ZNF664: variants seen among roughly 807,000 people sequenced by gnomAD.
The protein encoded by ZNF664 is zinc finger Organ of Corti 1.
In ZNF664, 10 loss-of-function variants were observed where a neutral mutation model predicts 18.2. The ratio of observed to expected loss-of-function variants is 0.55; its 90% CI spans 0.34 to 0.93. The LOEUF (loss-of-function observed/expected upper bound fraction) is 0.93, where lower values mean the gene tolerates loss of function less well. ZNF664 is among the 40% of genes least tolerant of loss of function. ZNF664 has a pLI of 0.02. For missense variants in ZNF664, 193 were observed against 319.0 expected, an observed-to-expected ratio of 0.61 and a Z score of 3.01; for synonymous variants, 119 against 104.2, an observed-to-expected ratio of 1.14 and a Z score of -0.86.
At chr12:123,999,571 TA>T (rs1378184281) in intron 3 of ZNF664, among the ~76,000 whole-genome samples, 2 of 152,202 alleles carry the variant, frequency 1.3e-5, no homozygotes, top group African/African-American at 4.8e-5. Flanking sequence ...TATAGTTATT[TA>T]AAAACGACTT....
intron 3 of ZNF664, among the ~76,000 whole-genome samples, chr12:123,996,026 G>A (rs1342225806): frequency 6.6e-6 from 1 of 152,204 alleles, no homozygotes; most frequent in Non-Finnish European, 1.5e-5. Flanking sequence ...AGTTAGGAAA[G>A]GGAAAGGAAA....
chr12:123,990,018 A>G (rs1447895228), intron 3 of ZNF664, among the ~76,000 whole-genome samples: 1 of 152,210 alleles, frequency 6.6e-6, no homozygotes, highest in Non-Finnish European at 1.5e-5. Context: ...GCCAGACAAT[A>G]CATGTTACGA....
At chr12:123,996,577 G>A (rs996142864) in intron 3 of ZNF664, among the ~76,000 whole-genome samples, 2 of 152,174 alleles carry the variant, frequency 1.3e-5, no homozygotes, top group South Asian at 4.1e-4. Flanking sequence ...GCCTGTGATG[G>A]GAAAGGATAC....
intron 2 of ZNF664, among the ~76,000 whole-genome samples, chr12:123,977,147 A>G (rs551197042): frequency 6.6e-6 from 1 of 152,320 alleles, no homozygotes; most frequent in East Asian, 1.9e-4. Flanking sequence ...TAAAAGCAAT[A>G]AAAAGGTACT....
intron 3 of ZNF664, among the ~76,000 whole-genome samples, chr12:123,994,803 G>T (rs992131184): frequency 6.6e-6 from 1 of 152,312 alleles, no homozygotes; most frequent in East Asian, 1.9e-4. Context: ...ACTCTGAATA[G>T]ATCTTTTACA....
chr12:124,001,636 A>T (rs1288909163), intron 3 of ZNF664, among the ~76,000 whole-genome samples: 4 of 152,224 alleles, frequency 2.6e-5, no homozygotes, highest in Non-Finnish European at 5.9e-5. Flanking sequence ...TGACCAGGTC[A>T]GCCTCACTTC....
intron 3 of ZNF664, among the ~76,000 whole-genome samples, chr12:123,993,131 G>A (rs1253192651): frequency 1.3e-5 from 2 of 152,176 alleles, no homozygotes; most frequent in African/African-American, 4.8e-5. Context: ...AGTCAGAGAA[G>A]GACCCTCTTT....
At chr12:124,007,284 C>T (rs978675937) in intron 3 of ZNF664, among the ~76,000 whole-genome samples, 27 of 152,200 alleles carry the variant, frequency 1.8e-4, no homozygotes, top group African/African-American at 6.5e-4. Flanking sequence ...TTGGACTCCC[C>T]TGTCAGGGAC....
chr12:124,002,510 G>A (rs1025702932), intron 3 of ZNF664, among the ~76,000 whole-genome samples: 17 of 152,212 alleles, frequency 1.1e-4, no homozygotes, highest in African/African-American at 3.9e-4. Context: ...TGGTTGAGAG[G>A]CTGTTGAAAT....
intron 1 of ZNF664, 59 bp downstream of exon 1, chr12:123,973,411 C>A: frequency 7.2e-6 from 1 of 139,060 alleles, no homozygotes. Flanking sequence ...AGGCGGGGGC[C>A]GGGGGCCAGG....
chr12:123,973,946 G>T lies in ZNF664; in HGVS notation c.-831G>T, dbSNP rs1956640965. On this transcript the variant is annotated 5_prime_UTR_variant, in exon 2 of 5. Transcript: ENST00000337815. ...GCTCAGGTGATGAGGAACCCCTCGC[G>T]CACCCAGCGCAGAAGGCTGCTGCCG... The T allele has an allele frequency of 1.6e-6, 2 of 1,231,902 alleles. No homozygotes were observed. Among genetic ancestry groups the T allele is most frequent in the Non-Finnish European group, 2.0e-6 (2 of 988,084 alleles). 76.3% of individuals were successfully genotyped at this position (1,231,902 alleles called of 1,614,324 possible).
At chr12:123,990,415 C>CTTTTTTTTTTTTTTTTTTTTTTTTT (rs1566199633) in intron 3 of ZNF664, among the ~76,000 whole-genome samples, 1 of 152,136 alleles carries the variant, frequency 6.6e-6, no homozygotes, top group African/African-American at 2.4e-5. Context: ...ACCCACTTTT[C>CTTTTTTTTTTTTTTTTTTTTTTTTT]ATTTTACCTG....
Position 124,015,270 on chromosome 12 carries a change from G to A in ZNF664, c.*2340G>A, listed in dbSNP as rs1385287285. The A allele has an allele frequency of 5.4e-5, 9 of 166,992 alleles. No individual in the cohort carries two copies. Among genetic ancestry groups the A allele is most frequent in the Non-Finnish European group, 7.3e-5 (5 of 68,116 alleles). The allele number at this position is 166,992 out of a possible 1,614,324, so 10.3% of individuals were successfully genotyped here. ...TAGAGTTCTATATTTCTACATAGTTGAATTATTTTATCATGCTGTTGCTGG... is the reference window on the plus strand; with the variant it reads ...TAGAGTTCTATATTTCTACATAGTTAAATTATTTTATCATGCTGTTGCTGG... On this transcript the variant is annotated 3_prime_UTR_variant, in exon 5 of 5. Transcript: ENST00000337815.
chr12:123,985,515 C>A (rs1307377600), intron 2 of ZNF664, among the ~76,000 whole-genome samples: 3 of 152,320 alleles, frequency 2.0e-5, no homozygotes, highest in Admixed American at 6.5e-5. Context: ...TAAAAAACTT[C>A]TTGGTAAAAC....
chr12:123,992,272 G>C (rs1459709182), intron 3 of ZNF664, among the ~76,000 whole-genome samples: 2 of 152,178 alleles, frequency 1.3e-5, no homozygotes, highest in African/African-American at 4.8e-5. Flanking sequence ...AAGGACTGTT[G>C]TCAGTTTCTC....
At chr12:123,990,008 G>A (rs1187255476) in intron 3 of ZNF664, among the ~76,000 whole-genome samples, 1 of 152,182 alleles carries the variant, frequency 6.6e-6, no homozygotes, top group African/African-American at 2.4e-5. Context: ...GCTTTGGTTT[G>A]CCAGACAATA....
chr12:124,011,021 G>C lies in ZNF664; in HGVS notation c.-660-360G>C, dbSNP rs1594577766. On this transcript the variant is annotated intron_variant, in intron 3 of 4. Transcript: ENST00000337815. Reference sequence around the variant, plus strand: ...GTCAGGTGTTTGAGTTAAGGATTGGGATTTTATTTTAAGTACATCAGGAAA... The same window carrying C: ...GTCAGGTGTTTGAGTTAAGGATTGGCATTTTATTTTAAGTACATCAGGAAA... Among the ~76,000 whole-genome samples, 3 of 152,322 alleles carry C rather than the reference G, an allele frequency of 2.0e-5. No homozygotes were observed. In the South Asian group the frequency reaches 6.2e-4, roughly 32 times the overall value.
chr12:124,008,671 C>G lies in ZNF664; in HGVS notation c.-660-2710C>G, dbSNP rs180857868. Among the ~76,000 whole-genome samples, 245 of 152,290 alleles carry G rather than the reference C, an allele frequency of 1.6e-3. 3 individuals are homozygous for G. The highest frequency in any genetic ancestry group is 5.7e-3 in the African/African-American group (236 of 41,552). ...TGTTCAGTGCCTTGGGTCTCTCCAT[C>G]TCTCTGCCTGCCTGTCTGTCTCTTT... On this transcript the variant is annotated intron_variant, in intron 3 of 4. Coordinates refer to ENST00000337815, the MANE Select transcript of ZNF664 (RefSeq NM_152437.3).
chr12:123,989,802 T>C (rs141379703), intron 3 of ZNF664, among the ~76,000 whole-genome samples: 1 of 152,254 alleles, frequency 6.6e-6, no homozygotes, highest in Non-Finnish European at 1.5e-5. Context: ...GCCAGAGTTC[T>C]GCATAATTTG....
Sources: allele counts gnomAD v4.1 joint callset (sites outside exome capture counted in the v4.1 genomes callset), GRCh38; gene constraint gnomAD v4.1.1; transcripts MANE v1.5; gene names NCBI Gene and HGNC (gene_info 2026-07-23, HGNC 2026-07-21).